NINJ2: variants seen among roughly 807,000 people sequenced by gnomAD.
NINJ2 encodes ninjurin 2.
A neutral mutation model predicts 11.7 loss-of-function variants in NINJ2; 12 were observed. The observed-to-expected ratio is 1.02, with a 90% CI of 0.66 to 1.66. NINJ2 has a LOEUF of 1.66. NINJ2 is among the 40% of genes most tolerant of loss of function. NINJ2 has a pLI of 0.00. For synonymous variants in NINJ2, 93 were observed against 76.8 expected (o/e 1.21, Z -1.10); for missense variants, 187 against 181.8 (o/e 1.03, Z -0.16).
At chr12:652,315 C>G (rs1444520012) in intron 1 of NINJ2, among the ~76,000 whole-genome samples, 2 of 152,240 alleles carry the variant, frequency 1.3e-5, no homozygotes, top group Non-Finnish European at 2.9e-5. Context: ...AATTCTCTAT[C>G]TTGCAAAATT....
chr12:609,644 G>T (rs980302639), intron 1 of NINJ2, among the ~76,000 whole-genome samples: 50 of 151,998 alleles, frequency 3.3e-4, no homozygotes, highest in Non-Finnish European at 5.7e-4. Context: ...GGTGGCGGGC[G>T]CCTGTAGTCC....
chr12:641,781 G>C (rs571870818), intron 1 of NINJ2, among the ~76,000 whole-genome samples: 1 of 138,584 alleles, frequency 7.2e-6, no homozygotes, highest in East Asian at 2.0e-4. Context: ...GGAGGTGGAG[G>C]TTGCAGTGAG....
chr12:570,324 T>C (rs1947359814), intron 1 of NINJ2, among the ~76,000 whole-genome samples: 1 of 152,152 alleles, frequency 6.6e-6, no homozygotes, highest in Admixed American at 6.5e-5. Flanking sequence ...GTGGGCCAGT[T>C]TAGGTGCAGC....
At chr12:611,615 C>T (rs149771669) in intron 1 of NINJ2, among the ~76,000 whole-genome samples, 39 of 152,380 alleles carry the variant, frequency 2.6e-4, no homozygotes, top group Admixed American at 2.0e-3. Flanking sequence ...GGATTATAGG[C>T]ATGAGCCACT....
chr12:654,719 C>G (rs1223088583), intron 1 of NINJ2, among the ~76,000 whole-genome samples: 1 of 151,436 alleles, frequency 6.6e-6, no homozygotes, highest in East Asian at 1.9e-4. Flanking sequence ...CATGGAGAAA[C>G]CTGTCTCTAC....
At chr12:605,646 C>G (rs1947932909) in intron 1 of NINJ2, among the ~76,000 whole-genome samples, 1 of 152,212 alleles carries the variant, frequency 6.6e-6, no homozygotes, top group Non-Finnish European at 1.5e-5. Flanking sequence ...AACACCCACC[C>G]TACATTTCTG....
chr12:606,697 T>C (rs959061934), intron 1 of NINJ2, among the ~76,000 whole-genome samples: 1 of 152,180 alleles, frequency 6.6e-6, no homozygotes, highest in Non-Finnish European at 1.5e-5. Flanking sequence ...CCACTAGCAA[T>C]TGCGGGAAGA....
chr12:636,531 G>A (rs77154245), intron 1 of NINJ2, among the ~76,000 whole-genome samples: 10,738 of 152,046 alleles, frequency 0.071, 487 homozygotes, highest in Middle Eastern at 0.12. Flanking sequence ...ACTTAACAGC[G>A]AGAAAACCAA....
At chr12:587,854 C>T (rs757368257) in intron 1 of NINJ2, among the ~76,000 whole-genome samples, 35 of 152,200 alleles carry the variant, frequency 2.3e-4, no homozygotes, top group Non-Finnish European at 4.3e-4. Context: ...ATTTCCACCA[C>T]AGGGCCTTGG....
intron 1 of NINJ2, among the ~76,000 whole-genome samples, chr12:588,216 G>GGGGACGGAA (rs1565626007): frequency 8.6e-6 from 1 of 116,554 alleles, no homozygotes; most frequent in African/African-American, 2.8e-5. Flanking sequence ...AAGGGACGGA[G>GGGGACGGAA]GGGACGGAAG....
intron 1 of NINJ2, among the ~76,000 whole-genome samples, chr12:656,724 G>A (rs1937878336): frequency 6.6e-6 from 1 of 151,404 alleles, no homozygotes; most frequent in Admixed American, 6.6e-5. Flanking sequence ...ACTGTAGCCT[G>A]GGTGACAGAG....
chr12:623,029 C>A (rs1948171918), intron 1 of NINJ2, among the ~76,000 whole-genome samples: 1 of 152,142 alleles, frequency 6.6e-6, no homozygotes, highest in East Asian at 1.9e-4. Context: ...GTCCCATATC[C>A]CAAAATGCTG....
At chr12:621,158 T>C (rs1413554045) in intron 1 of NINJ2, among the ~76,000 whole-genome samples, 14 of 151,510 alleles carry the variant, frequency 9.2e-5, no homozygotes, top group Non-Finnish European at 2.1e-4. Context: ...TAAGAAAGAG[T>C]AGTGTACAAC....
intron 1 of NINJ2, among the ~76,000 whole-genome samples, chr12:638,738 T>C (rs1298780510): frequency 2.6e-5 from 4 of 152,100 alleles, no homozygotes; most frequent in Non-Finnish European, 5.9e-5. Context: ...AAATCCAGTT[T>C]AATATTTTAT....
intron 1 of NINJ2, among the ~76,000 whole-genome samples, chr12:604,297 A>C (rs1330767255): frequency 6.6e-6 from 1 of 152,210 alleles, no homozygotes. Flanking sequence ...GGAAGAGGAA[A>C]TAAGTAGAAC....
At position 617,816 on chromosome 12, in the gene NINJ2, G is replaced by A. The variant is rs540080915; in HGVS notation, c.33+45512C>T. ...TCAGGGCCCTGCCTCCTAAGAAGGG[G>A]CCTCTCCCTCACAGGTCAGTCTGAA... On this transcript the variant is annotated intron_variant, in intron 1 of 3. Coordinates refer to ENST00000305108, the MANE Select transcript of NINJ2 (RefSeq NM_016533.6). Among the ~76,000 whole-genome samples, 3 of 152,196 alleles carry A rather than the reference G, an allele frequency of 2.0e-5. No homozygotes were observed. The South Asian group carries it at 6.2e-4, about 32-fold the overall frequency.
At chr12:647,875 G>A (rs1171711456) in intron 1 of NINJ2, among the ~76,000 whole-genome samples, 1 of 152,138 alleles carries the variant, frequency 6.6e-6, no homozygotes, top group Non-Finnish European at 1.5e-5. Flanking sequence ...TTCGAGTATA[G>A]CAAAAAGAAA....
intron 1 of NINJ2, among the ~76,000 whole-genome samples, chr12:658,786 T>C (rs572520241): frequency 5.4e-4 from 82 of 152,174 alleles, no homozygotes; most frequent in African/African-American, 1.9e-3. Context: ...TTATTACGCA[T>C]AGAATGTTTA....
In NINJ2 at chr12:634,265, C is replaced by CTTTTTTTTTTTTTTTTTTTTT. The variant is rs67797144; in HGVS notation, c.33+29042_33+29062dup. On this transcript the variant is annotated intron_variant, in intron 1 of 3. Transcript: ENST00000305108. Reference sequence around the variant, plus strand: ...AAATAAATGTTGATTAGTTGCAGTTCTTTTTTTTTTTTTTTTTTTTTTTTT... The same window carrying CTTTTTTTTTTTTTTTTTTTTT: ...AAATAAATGTTGATTAGTTGCAGTTCTTTTTTTTTTTTTTTTTTTTTTTTTTTTTTTTTTTTTTTTTTTTTT... Among the ~76,000 whole-genome samples the CTTTTTTTTTTTTTTTTTTTTT allele has an allele frequency of 5.2e-3, 308 of 59,524 alleles. 33 individuals carry two copies. Among genetic ancestry groups the CTTTTTTTTTTTTTTTTTTTTT allele is most frequent in the Non-Finnish European group, 7.6e-3 (246 of 32,262 alleles). The allele number at this position is 59,524 out of a possible 152,430, so 39.1% of individuals were successfully genotyped here. A position where few individuals can be genotyped will look rare whatever the true frequency, so the allele number is the denominator to read the frequency against.
Sources: allele counts gnomAD v4.1 joint callset (sites outside exome capture counted in the v4.1 genomes callset), GRCh38; gene constraint gnomAD v4.1.1; transcripts MANE v1.5; gene names NCBI Gene and HGNC (gene_info 2026-07-23, HGNC 2026-07-21).